Variants in SLC9A1 observed in about 807,000 individuals in gnomAD.
SLC9A1 encodes solute carrier family 9 member A1.
In SLC9A1, 22 loss-of-function variants were observed where a neutral mutation model predicts 67.9. That is an observed-to-expected ratio of 0.32 (90% CI 0.23 to 0.46). The LOEUF (loss-of-function observed/expected upper bound fraction) is 0.46, where lower values mean the gene tolerates loss of function less well. SLC9A1 is among the 20% of genes least tolerant of loss of function. The pLI, the probability that SLC9A1 is intolerant of heterozygous loss-of-function variation, is 1.00. For missense variants in SLC9A1, 686 were observed against 1,094.8 expected (o/e 0.63, Z 5.27); for synonymous variants, 421 against 471.8 (o/e 0.89, Z 1.40).
chr1:27,138,381 C>G (rs941769460), intron 1 of SLC9A1, among the ~76,000 whole-genome samples: 1 of 151,284 alleles, frequency 6.6e-6, no homozygotes, highest in African/African-American at 2.5e-5. Flanking sequence ...TGTCTGCCTT[C>G]TTCAGGACAC....
intron 1 of SLC9A1, among the ~76,000 whole-genome samples, chr1:27,131,947 A>AAAAAAAAAAAAAAAAAAAATATAT: frequency 1.9e-5 from 1 of 52,124 alleles, no homozygotes; most frequent in African/African-American, 6.4e-5. Context: ...AGAAAAAAAA[A>AAAAAAAAAAAAAAAAAAAATATAT]ATATATATAT....
chr1:27,100,349 A>T lies in SLC9A1; in HGVS notation c.2406T>A (p.Pro802=), dbSNP rs780576349. 3.2e-6 allele frequency: 5 copies of T among 1,547,594 alleles called. No individual in the cohort carries two copies. In the East Asian group the frequency reaches 1.1e-4, roughly 35 times the overall value. ...AGAACGGTTCTCCCTCCCCAGGCTC[A>T]GGGTGTGGGCCTGGGTCACTGAGGC... ...QRCLSDPGPH[P]EPGEGEPFFP... is the part of the protein sequence containing the mutation. The change falls in exon 12 of 12, where the codon CCT becomes CCA. Residue 802 remains proline, a synonymous_variant. Coordinates refer to ENST00000263980, the MANE Select transcript of SLC9A1 (RefSeq NM_003047.5). This position sits in a 1 kb window ranked among gnomAD's most constrained non-coding sequence, Gnocchi z 5.6.
intron 1 of SLC9A1, among the ~76,000 whole-genome samples, chr1:27,138,521 G>C (rs2083433864): frequency 1.3e-5 from 2 of 152,148 alleles, no homozygotes; most frequent in South Asian, 4.1e-4. Flanking sequence ...TCTGACATGG[G>C]GGTAGAGGCA....
rs1289733543 is a variant in SLC9A1, at chr1:27,154,998, T to C, written c.-664A>G. On this transcript the variant is annotated 5_prime_UTR_variant, in exon 1 of 12. Transcript: ENST00000263980. ...GGCGCGGGCTGGGGGCGGCTCGCGG[T>C]GGGCCAGCAGCAACACGCCCCTCCT... is the stretch of plus-strand genomic sequence containing the variant. 1.3e-5 allele frequency: 2 copies of C among 152,038 alleles called. No homozygotes were observed. Among genetic ancestry groups the C allele is most frequent in the African/African-American group, 4.8e-5 (2 of 41,352 alleles). The allele number at this position is 152,038 out of a possible 1,614,324, so 9.4% of individuals were successfully genotyped here.
At chr1:27,142,999 C>T (rs1471960903) in intron 1 of SLC9A1, among the ~76,000 whole-genome samples, 2 of 143,784 alleles carry the variant, frequency 1.4e-5, no homozygotes, top group Non-Finnish European at 3.0e-5. Context: ...AAGGCAGAAG[C>T]TCTTAACCTT....
intron 1 of SLC9A1, among the ~76,000 whole-genome samples, chr1:27,140,175 C>T (rs1377276510): frequency 6.6e-6 from 1 of 152,064 alleles, no homozygotes; most frequent in Non-Finnish European, 1.5e-5. Flanking sequence ...CTCCTCCCTC[C>T]CGCACACCCA....
Position 27,137,287 on chromosome 1 carries a change from T to C in SLC9A1, c.352+16696A>G, listed in dbSNP as rs896212425. 6.6e-6 allele frequency among the ~76,000 whole-genome samples: 1 copy of C among 152,204 alleles called. No homozygotes were observed. The highest frequency in any genetic ancestry group is 1.5e-5 in the Non-Finnish European group (1 of 68,030). Reference sequence around the variant, plus strand: ...ACGATGTGGGAAGAAGGACCACTTATAGCATCACAGGAGAGCCTGGACTAG... The same window carrying C: ...ACGATGTGGGAAGAAGGACCACTTACAGCATCACAGGAGAGCCTGGACTAG... On this transcript the variant is annotated intron_variant, in intron 1 of 11. Coordinates refer to ENST00000263980, the MANE Select transcript of SLC9A1 (RefSeq NM_003047.5). This position sits in a 1 kb window ranked among gnomAD's most constrained non-coding sequence, Gnocchi z 4.6.
chr1:27,151,095 G>A (rs2083524351), intron 1 of SLC9A1, among the ~76,000 whole-genome samples: 1 of 152,154 alleles, frequency 6.6e-6, no homozygotes, highest in South Asian at 2.1e-4. Context: ...CAAGTGAACA[G>A]TATAGGACAC....
intron 1 of SLC9A1, among the ~76,000 whole-genome samples, chr1:27,148,950 C>T (rs981174826): frequency 6.6e-6 from 1 of 152,206 alleles, no homozygotes; most frequent in East Asian, 1.9e-4. Context: ...GAAGCAAGCT[C>T]TGGTCTGATG....
rs557001024 is a variant in SLC9A1, at chr1:27,132,532, T to C, written c.353-18246A>G. Among the ~76,000 whole-genome samples, 3 of 152,276 alleles carry C rather than the reference T, an allele frequency of 2.0e-5. No individual in the cohort carries two copies. The East Asian group carries it at 5.8e-4, about 29-fold the overall frequency. ...CTCTCTCTGGACATCAGGGTCTTTA[T>C]TTTTAAAATGAAGATGCCTCTCCCC... On this transcript the variant is annotated intron_variant, in intron 1 of 11. Transcript: ENST00000263980.
Position 27,109,896 on chromosome 1 carries a change from A to C in SLC9A1, c.814-119T>G. ...AACCATGGCCACAAGAAGAGGCCAC[A>C]CGGTAGCAGAGAAACCCTAGTGCCA... On this transcript the variant is annotated intron_variant, in intron 2 of 11. Transcript: ENST00000263980. This position sits in a 1 kb window ranked among gnomAD's most constrained non-coding sequence, Gnocchi z 5.5. The C allele has an allele frequency of 8.6e-7, 1 of 1,164,006 alleles. No homozygotes were observed. Among genetic ancestry groups the C allele is most frequent in the Non-Finnish European group, 1.2e-6 (1 of 813,804 alleles). The allele number at this position is 1,164,006 out of a possible 1,614,324, so 72.1% of individuals were successfully genotyped here. A position where few individuals can be genotyped will look rare whatever the true frequency, so the allele number is the denominator to read the frequency against.
chr1:27,135,682 C>T (rs2083416314), intron 1 of SLC9A1, among the ~76,000 whole-genome samples: 1 of 152,118 alleles, frequency 6.6e-6, no homozygotes, highest in Non-Finnish European at 1.5e-5. Flanking sequence ...GCTTTATTCA[C>T]AATTGTCAAA....
In SLC9A1 at chr1:27,103,314, T is replaced by TG. The variant is rs769398918; in HGVS notation, c.1486-3dup. ...TACCAGGGGCCGAATGGTCATGCCC[T>TG]GGGGGGCAGGCAGGTGTCAGGCACT... On this transcript the variant is annotated splice_polypyrimidine_tract_variant and splice_region_variant and intron_variant, in intron 5 of 11. Coordinates refer to ENST00000263980, the MANE Select transcript of SLC9A1 (RefSeq NM_003047.5). 1,753 of 1,610,662 alleles carry TG rather than the reference T, an allele frequency of 1.1e-3. 4 individuals are homozygous for TG. The highest frequency in any genetic ancestry group is 1.2e-3 in the Non-Finnish European group (1,367 of 1,176,942).
intron 5 of SLC9A1, chr1:27,103,665 T>G (rs1451019987): frequency 6.4e-6 from 2 of 310,734 alleles, no homozygotes; most frequent in Non-Finnish European, 1.3e-5. Context: ...GAAAACTACC[T>G]CTGCACTGCC....
Position 27,118,214 on chromosome 1 carries a change from A to C in SLC9A1, c.353-3928T>G, listed in dbSNP as rs2083284292. ...GCGCTCAGTGAGCTGAAGGAGCTCT[A>C]GGCCCTGATGGGCTCTCTGGGCCTG... On this transcript the variant is annotated intron_variant, in intron 1 of 11. Coordinates refer to ENST00000263980, the MANE Select transcript of SLC9A1 (RefSeq NM_003047.5). This position sits in a 1 kb window ranked among gnomAD's most constrained non-coding sequence, Gnocchi z 4.3. Among the ~76,000 whole-genome samples the C allele has an allele frequency of 6.6e-6, 1 of 152,088 alleles. No homozygotes were observed. The highest frequency in any genetic ancestry group is 2.4e-5 in the African/African-American group (1 of 41,398).
chr1:27,123,350 GTTAT>G (rs1405816216), intron 1 of SLC9A1, among the ~76,000 whole-genome samples: 2 of 152,002 alleles, frequency 1.3e-5, no homozygotes, highest in Non-Finnish European at 2.9e-5. Flanking sequence ...GTATCTATAG[GTTAT>G]TTAAAATTAT....
chr1:27,136,185 G>A (rs962206879), intron 1 of SLC9A1, among the ~76,000 whole-genome samples: 3 of 152,206 alleles, frequency 2.0e-5, no homozygotes, highest in Non-Finnish European at 2.9e-5. Flanking sequence ...CATCCCTGTG[G>A]TTCAGTCACT....
Position 27,138,491 on chromosome 1 carries a change from T to C in SLC9A1, c.352+15492A>G, listed in dbSNP as rs567012785. Reference sequence around the variant, plus strand: ...CTCTTCTGTCTTGTTCCTGGCTGTGTCCTCAGATCCAGAATAGTGTCTGAC... The same window carrying C: ...CTCTTCTGTCTTGTTCCTGGCTGTGCCCTCAGATCCAGAATAGTGTCTGAC... On this transcript the variant is annotated intron_variant, in intron 1 of 11. Transcript: ENST00000263980. Among the ~76,000 whole-genome samples the C allele has an allele frequency of 1.1e-3, 168 of 151,930 alleles. 3 individuals carry two copies. The highest frequency in any genetic ancestry group is 3.9e-3 in the African/African-American group (161 of 41,186).
Position 27,154,118 on chromosome 1 carries a change from G to A in SLC9A1, c.217C>T (p.Pro73Ser). Residue 73 changes from proline to serine, a missense_variant, in exon 1 of 12, where the codon CCT becomes TCT. Physicochemically the swap from Pro to Ser is moderately conservative, Grantham distance 74. Around this residue, in one of 7 missense-constraint regions of SLC9A1, gnomAD observed 143 missense variants for 166.7 expected, o/e 0.86. Coordinates refer to ENST00000263980, the MANE Select transcript of SLC9A1 (RefSeq NM_003047.5). ...APPEVTPESR[P>S]VNHSVTDHGM... The stretch of plus-strand genomic sequence containing the variant: ...TGATCAGTGACGGAATGATTAACAG[G>A]GCGGCTCTCTGGGGTGACCTCCGGT... 1 of 1,614,136 alleles carries A rather than the reference G, an allele frequency of 6.2e-7. No homozygotes were observed. The highest frequency in any genetic ancestry group is 1.3e-5 in the African/African-American group (1 of 75,040).
Sources: gnomAD v4.1 joint callset for allele counts (sites outside exome capture counted in the v4.1 genomes callset) on GRCh38, gnomAD v4.1.1 for gene constraint, gnomAD v4.1.1 regional missense constraint, Gnocchi (gnomAD v3.1) non-coding constraint, MANE v1.5 for transcripts, NCBI Gene and HGNC (gene_info 2026-07-23, HGNC 2026-07-21) for gene names.